Variants in CSMD1 observed in about 807,000 individuals in gnomAD.
CSMD1 encodes CUB and sushi domain-containing protein 1.
In CSMD1, 213 loss-of-function variants were observed where a neutral mutation model predicts 417.5. The observed-to-expected ratio is 0.51, with a 90% CI of 0.46 to 0.57. The LOEUF (loss-of-function observed/expected upper bound fraction) is 0.57. CSMD1 is among the 20% of genes least tolerant of loss of function. CSMD1 has a pLI of 0.00. For missense variants in CSMD1, 6,923 were observed against 4,529.7 expected, an observed-to-expected ratio of 1.53 and a Z score of -15.17; for synonymous variants, 2,862 against 1,736.8, an observed-to-expected ratio of 1.65 and a Z score of -16.11.
In CSMD1 at chr8:3,661,471, C is replaced by G. The variant is rs2623630; in HGVS notation, c.1010-44674G>C. ...GTGATTCTAGGGGTTGCCTGACTTG[C>G]GAAATGTTCATTGCTCAATTAAACT... On this transcript the variant is annotated intron_variant, in intron 7 of 69. Transcript: ENST00000635120. Among the ~76,000 whole-genome samples, 5 of 151,860 alleles carry G rather than the reference C, an allele frequency of 3.3e-5. No homozygotes were observed. In the East Asian group the frequency reaches 7.8e-4, roughly 24 times the overall value.
At chr8:4,668,036 T>C (rs1805050067) in intron 1 of CSMD1, among the ~76,000 whole-genome samples, 1 of 152,204 alleles carries the variant, frequency 6.6e-6, no homozygotes, top group African/African-American at 2.4e-5. Context: ...ATGAAATACC[T>C]CATCTCTTAT....
At chr8:4,680,113 A>C (rs1307300332) in intron 1 of CSMD1, among the ~76,000 whole-genome samples, 2 of 152,236 alleles carry the variant, frequency 1.3e-5, no homozygotes, top group East Asian at 3.8e-4. Context: ...GATACCTTGC[A>C]CAGTATTTGG....
intron 5 of CSMD1, among the ~76,000 whole-genome samples, chr8:3,994,717 C>A (rs1322793349): frequency 6.6e-6 from 1 of 152,144 alleles, no homozygotes; most frequent in Non-Finnish European, 1.5e-5. Flanking sequence ...AATTTTGGCA[C>A]ATGACATCAT....
intron 7 of CSMD1, among the ~76,000 whole-genome samples, chr8:3,668,727 C>G (rs1264529446): frequency 6.6e-6 from 1 of 152,108 alleles, no homozygotes; most frequent in African/African-American, 2.4e-5. Flanking sequence ...GTTGGGAGCT[C>G]AGGAGGGGCC....
Position 3,875,721 on chromosome 8 carries a change from A to T in CSMD1, c.819-121679T>A, listed in dbSNP as rs1563167531. On this transcript the variant is annotated intron_variant, in intron 5 of 69. Transcript: ENST00000635120. ...GAGGGGGCAGAATCTTCTCGAGTGG[A>T]TTGAGGAAAGAAAGGCAGTCAAAGA... Among the ~76,000 whole-genome samples the T allele has an allele frequency of 2.0e-5, 3 of 152,146 alleles. 1 individual carries two copies. Among genetic ancestry groups the T allele is most frequent in the Non-Finnish European group, 4.4e-5 (3 of 68,030 alleles).
At chr8:4,674,580 C>G (rs1000318395) in intron 1 of CSMD1, among the ~76,000 whole-genome samples, 2 of 152,132 alleles carry the variant, frequency 1.3e-5, no homozygotes, top group Non-Finnish European at 1.5e-5. Context: ...ACTAACCGTT[C>G]TGGTACTTGA....
At chr8:4,113,001 T>G (rs372525695) in intron 3 of CSMD1, among the ~76,000 whole-genome samples, 1 of 152,180 alleles carries the variant, frequency 6.6e-6, no homozygotes, top group Non-Finnish European at 1.5e-5. Flanking sequence ...TTATATCTGT[T>G]ATGGTAATCA....
At chr8:4,308,279 TTGA>T (rs1276421299) in intron 3 of CSMD1, among the ~76,000 whole-genome samples, 12 of 151,966 alleles carry the variant, frequency 7.9e-5, no homozygotes, top group African/African-American at 2.4e-4. Flanking sequence ...TTGTGTATAG[TTGA>T]TGGTGTGTGT....
At chr8:3,290,596 G>A (rs1803479993) in intron 25 of CSMD1, among the ~76,000 whole-genome samples, 1 of 146,762 alleles carries the variant, frequency 6.8e-6, no homozygotes, top group Admixed American at 6.7e-5. Context: ...AATTGTGAAT[G>A]GGAGTTCACT....
At chr8:4,482,423 T>C (rs747618490) in intron 2 of CSMD1, among the ~76,000 whole-genome samples, 1 of 152,176 alleles carries the variant, frequency 6.6e-6, no homozygotes, top group African/African-American at 2.4e-5. Context: ...AAGGACATGA[T>C]CTTATTTGTT....
intron 1 of CSMD1, among the ~76,000 whole-genome samples, chr8:4,854,719 G>C (rs568437456): frequency 6.6e-6 from 1 of 152,130 alleles, no homozygotes; most frequent in African/African-American, 2.4e-5. Context: ...CTTAAAAAAC[G>C]GTGCACCACG....
intron 2 of CSMD1, among the ~76,000 whole-genome samples, chr8:4,467,750 A>T (rs144399739): frequency 1.3e-5 from 2 of 152,214 alleles, no homozygotes; most frequent in Non-Finnish European, 2.9e-5. Context: ...AAAGCTAACA[A>T]AATATTTACC....
At chr8:3,576,035 T>G (rs886476032) in intron 9 of CSMD1, among the ~76,000 whole-genome samples, 1 of 152,050 alleles carries the variant, frequency 6.6e-6, no homozygotes, top group Non-Finnish European at 1.5e-5. Context: ...TGACAAAAAT[T>G]TTTCATAGGA....
At chr8:3,914,746 G>T (rs778399401) in intron 5 of CSMD1, among the ~76,000 whole-genome samples, 3 of 151,516 alleles carry the variant, frequency 2.0e-5, no homozygotes, top group African/African-American at 4.9e-5. Flanking sequence ...CCTTTGACAT[G>T]TATCTGTCTT....
chr8:3,776,807 G>GAT (rs151060171), intron 5 of CSMD1, among the ~76,000 whole-genome samples: 1,507 of 139,810 alleles, frequency 0.011, 45 homozygotes, highest in African/African-American at 0.022. Flanking sequence ...ATATAGACGA[G>GAT]ATATATATAT....
intron 5 of CSMD1, among the ~76,000 whole-genome samples, chr8:3,930,171 T>C (rs1334825863): frequency 1.3e-5 from 2 of 150,112 alleles, no homozygotes; most frequent in Non-Finnish European, 3.0e-5. Flanking sequence ...AGTGAGAACA[T>C]CAGTTATACT....
intron 3 of CSMD1, among the ~76,000 whole-genome samples, chr8:4,070,043 T>A (rs1054561038): frequency 2.0e-5 from 3 of 152,158 alleles, no homozygotes; most frequent in African/African-American, 7.2e-5. Context: ...CTTATTGGTG[T>A]TTTAACTATA....
chr8:3,267,180 G>C (rs75165466), intron 26 of CSMD1, among the ~76,000 whole-genome samples: 6,220 of 152,198 alleles, frequency 0.041, 170 homozygotes, highest in Middle Eastern at 0.054. Context: ...ACCACTGCCT[G>C]GGAGAGGGGT....
chr8:4,878,410 G>A (rs1326991406), intron 1 of CSMD1, among the ~76,000 whole-genome samples: 4 of 152,010 alleles, frequency 2.6e-5, no homozygotes, highest in South Asian at 4.1e-4. Context: ...TTTGTAGAAA[G>A]TATTAGTAAT....
Sources: gnomAD v4.1 joint callset for allele counts (sites outside exome capture counted in the v4.1 genomes callset) on GRCh38, gnomAD v4.1.1 for gene constraint, MANE v1.5 for transcripts, NCBI Gene and HGNC (gene_info 2026-07-23, HGNC 2026-07-21) for gene names.